Variants in SGCD observed in about 807,000 individuals in gnomAD.
The protein encoded by SGCD is delta-sarcoglycan.
Under a neutral mutation model 36.6 loss-of-function variants are expected in SGCD, and 18 were observed. The ratio of observed to expected loss-of-function variants is 0.49; its 90% CI spans 0.34 to 0.73. SGCD has a LOEUF of 0.73. Among genes scored for constraint, SGCD ranks in the 30% least tolerant of loss-of-function variants. The pLI, the probability that SGCD is intolerant of heterozygous loss-of-function variation, is 0.01. For synonymous variants in SGCD, 133 were observed against 130.6 expected, an observed-to-expected ratio of 1.02 and a Z score of -0.12; for missense variants, 387 against 346.7, an observed-to-expected ratio of 1.12 and a Z score of -0.92.
chr5:156,692,398 A>G (rs973777587), intron 7 of SGCD, among the ~76,000 whole-genome samples: 1 of 152,216 alleles, frequency 6.6e-6, no homozygotes, highest in East Asian at 1.9e-4. Context: ...CATCAGCAGC[A>G]TGATGGAGTG....
At chr5:156,615,869 T>C (rs1314995352) in intron 6 of SGCD, among the ~76,000 whole-genome samples, 1 of 152,208 alleles carries the variant, frequency 6.6e-6, no homozygotes, top group Non-Finnish European at 1.5e-5. Flanking sequence ...TCTTAAACTT[T>C]CAATTAGGTA....
At chr5:155,827,470 A>C in the SGCD span, among the ~76,000 whole-genome samples, 2 of 152,222 alleles carry the variant, frequency 1.3e-5, no homozygotes, top group East Asian at 3.9e-4. Context: ...GACATAACAT[A>C]TACATTGCAG....
At chr5:155,878,811 T>C (rs915139508) in intron 1 of SGCD, among the ~76,000 whole-genome samples, 19 of 152,160 alleles carry the variant, frequency 1.2e-4, no homozygotes, top group African/African-American at 4.1e-4. Flanking sequence ...TGTGAGTATA[T>C]ATAAAATTGG....
chr5:156,223,695 C>G (rs73300696), intron 3 of SGCD, among the ~76,000 whole-genome samples: 2,175 of 151,942 alleles, frequency 0.014, 59 homozygotes, highest in African/African-American at 0.05. Context: ...ATTAGTGATG[C>G]CTTAGAAGAG....
the SGCD span, among the ~76,000 whole-genome samples, chr5:155,732,514 A>G: frequency 1.8e-4 from 28 of 152,176 alleles, no homozygotes; most frequent in African/African-American, 6.8e-4. Context: ...GTAGCTGAAG[A>G]AACTGGGAAG....
chr5:156,092,721 C>T (rs934273032), intron 1 of SGCD, among the ~76,000 whole-genome samples: 1 of 152,158 alleles, frequency 6.6e-6, no homozygotes, highest in Non-Finnish European at 1.5e-5. Flanking sequence ...AGTGTAATTG[C>T]TGCTTCTCAG....
At chr5:156,524,017 A>G (rs573205592) in intron 4 of SGCD, among the ~76,000 whole-genome samples, 16 of 146,904 alleles carry the variant, frequency 1.1e-4, no homozygotes, top group Non-Finnish European at 1.9e-4. Context: ...GTGAAAAAAA[A>G]AATGCTTTTG....
intron 4 of SGCD, among the ~76,000 whole-genome samples, chr5:156,527,853 A>G (rs1757709094): frequency 6.6e-6 from 1 of 152,152 alleles, no homozygotes; most frequent in Admixed American, 6.5e-5. Flanking sequence ...GATTCCACAG[A>G]CCACAGTTTG....
intron 4 of SGCD, among the ~76,000 whole-genome samples, chr5:156,534,227 T>C (rs1185447114): frequency 6.6e-6 from 1 of 151,606 alleles, no homozygotes; most frequent in Non-Finnish European, 1.5e-5. Flanking sequence ...CTGGTCCTAC[T>C]CAGCTCCATG....
At chr5:155,810,304 T>C in the SGCD span, among the ~76,000 whole-genome samples, 1 of 152,230 alleles carries the variant, frequency 6.6e-6, no homozygotes, top group East Asian at 1.9e-4. Flanking sequence ...TTTACTGATG[T>C]TCATTTATGT....
chr5:156,543,701 T>G (rs913699197), intron 4 of SGCD, among the ~76,000 whole-genome samples: 6 of 152,238 alleles, frequency 3.9e-5, no homozygotes, highest in Non-Finnish European at 7.3e-5. Context: ...ATCCTTATGA[T>G]GACGATATCT....
chr5:156,019,897 G>A (rs1428898515), intron 1 of SGCD, among the ~76,000 whole-genome samples: 2 of 152,126 alleles, frequency 1.3e-5, no homozygotes, highest in Non-Finnish European at 2.9e-5. Context: ...CTGTGCTGTG[G>A]CCTAACTCAT....
At chr5:156,475,926 C>T (rs1581047158) in intron 3 of SGCD, among the ~76,000 whole-genome samples, 1 of 152,262 alleles carries the variant, frequency 6.6e-6, no homozygotes, top group African/African-American at 2.4e-5. Flanking sequence ...TTCCTTGCAG[C>T]AGGGTGCATT....
intron 3 of SGCD, among the ~76,000 whole-genome samples, chr5:156,429,174 G>A (rs1196110823): frequency 6.6e-6 from 1 of 151,584 alleles, no homozygotes; most frequent in Non-Finnish European, 1.5e-5. Flanking sequence ...TATAAATCTG[G>A]GAGCTTAAGT....
chr5:156,717,415 G>A (rs1755276441), intron 7 of SGCD, among the ~76,000 whole-genome samples: 1 of 152,172 alleles, frequency 6.6e-6, no homozygotes, highest in African/African-American at 2.4e-5. Context: ...TGGTGGTCTT[G>A]TACATGGTGT....
In SGCD at chr5:155,886,546, A is replaced by G. The variant is rs138492339; in HGVS notation, c.-282+16122A>G. Among the ~76,000 whole-genome samples the G allele has an allele frequency of 1.5e-3, 227 of 151,942 alleles. 2 individuals carry two copies. The highest frequency in any genetic ancestry group is 5.4e-3 in the African/African-American group (221 of 41,282). ...TGCGTGGGCGCGTGTGTGTGTGTGCATGCATGTGCAGCCTCAGAAAGGGTA... is the reference window on the plus strand; with the variant it reads ...TGCGTGGGCGCGTGTGTGTGTGTGCGTGCATGTGCAGCCTCAGAAAGGGTA... On this transcript the variant is annotated intron_variant, in intron 1 of 9. Transcript: ENST00000517913.
chr5:155,856,330 A>G, the SGCD span, among the ~76,000 whole-genome samples: 1 of 152,212 alleles, frequency 6.6e-6, no homozygotes, highest in Non-Finnish European at 1.5e-5. Context: ...AAAAAGAATA[A>G]CAAAGAACAG....
the SGCD span, among the ~76,000 whole-genome samples, chr5:155,796,613 G>C: frequency 6.6e-6 from 1 of 151,796 alleles, no homozygotes; most frequent in Admixed American, 6.6e-5. Flanking sequence ...AGACCAGCCT[G>C]ACCAACATGG....
chr5:156,494,749 A>G (rs1756105223), intron 3 of SGCD, among the ~76,000 whole-genome samples: 1 of 152,016 alleles, frequency 6.6e-6, no homozygotes, highest in South Asian at 2.1e-4. Flanking sequence ...TTCTGAATTC[A>G]TCTCCTATTC....
Sources: gnomAD v4.1 joint callset for allele counts (sites outside exome capture counted in the v4.1 genomes callset) on GRCh38, gnomAD v4.1.1 for gene constraint, MANE v1.5 for transcripts, NCBI Gene and HGNC (gene_info 2026-07-23, HGNC 2026-07-21) for gene names.